The following RPS27A variants were observed in gnomAD, a reference collection of about 807,000 sequenced individuals.
RPS27A encodes the protein ubiquitin-ribosomal protein eS31 fusion protein.
A neutral mutation model predicts 18.9 loss-of-function variants in RPS27A; 1 was observed. The ratio of observed to expected loss-of-function variants is 0.05; its 90% confidence interval spans 0.02 to 0.25. The LOEUF is 0.25. RPS27A is among the 10% of genes least tolerant of loss of function. The pLI, the probability that RPS27A is intolerant of heterozygous loss-of-function variation, is 1.00. For synonymous variants in RPS27A, 77 were observed against 63.7 expected (o/e 1.21, Z -0.99); for missense variants, 123 against 187.4 (o/e 0.66, Z 2.01).
At chr2:55,234,303 AG>A in intron 4 of RPS27A, 99 bp downstream of exon 4, 1 of 856,986 alleles carries the variant, frequency 1.2e-6, no homozygotes, top group Admixed American at 2.0e-5. Flanking sequence ...TCTGTCACCT[AG>A]GGTGGAGTGA....
rs780987060 is a variant in RPS27A, at chr2:55,235,478, T to C, written c.372T>C (p.Asp124=). Residue 124 remains aspartate (D), a synonymous_variant, in exon 6 of 6, where the codon GAT becomes GAC. Transcript: ENST00000272317. The part of the protein sequence containing the change: ...ISRLRRECPS[D]ECGAGVFMAS... The stretch of plus-strand genomic sequence containing the variant: ...GCCTTCGTCGAGAGTGCCCTTCTGA[T>C]GAATGTGGTGCTGGGGTGTTTATGG... 7 of 1,611,910 alleles carry C rather than the reference T, an allele frequency of 4.3e-6. No individual in the cohort carries two copies. The highest frequency in any genetic ancestry group is 4.5e-4 in the Middle Eastern group (2 of 4,432).
intron 3 of RPS27A, 42 bp downstream of exon 3, chr2:55,233,459 A>G (rs766660010): frequency 1.5e-4 from 219 of 1,482,360 alleles, no homozygotes; most frequent in African/African-American, 2.8e-5. Flanking sequence ...ACCTGCGGAG[A>G]CTTCGGCCTA....
intron 2 of RPS27A, 140 bp downstream of exon 2, chr2:55,233,012 T>C (rs373287175): frequency 6.4e-6 from 5 of 777,814 alleles, no homozygotes; most frequent in East Asian, 2.7e-5. Flanking sequence ...TGAGTACCTT[T>C]TGCTGAGCAA....
Position 55,232,887 on chromosome 2 carries a change from G to A in RPS27A, c.48+15G>A, listed in dbSNP as rs758545453. The A allele has an allele frequency of 2.5e-6, 4 of 1,609,772 alleles. No individual in the cohort carries two copies. Among genetic ancestry groups the A allele is most frequent in the African/African-American group, 1.3e-5 (1 of 74,994 alleles). On this transcript the variant is annotated intron_variant, in intron 2 of 5. Transcript: ENST00000272317. ...TCACCCTCGAGGTACGGGCCGGGTG[G>A]TCATGAGGAAGCCAAGGTCCGAATA...
chr2:55,235,634 A>AAAAAG lies in RPS27A; in HGVS notation c.*60_*64dup, dbSNP rs1261600670. On this transcript the variant is annotated 3_prime_UTR_variant, in exon 6 of 6. Coordinates refer to ENST00000272317, the MANE Select transcript of RPS27A (RefSeq NM_002954.6). ...ATTTATTGTTGGGTTTTATTGCAGT[A>AAAAAG]AAAAGAATGGTTTTTAAGCACCAAA... 16 of 1,583,648 alleles carry AAAAAG rather than the reference A, an allele frequency of 1.0e-5. No homozygotes were observed. The highest frequency in any genetic ancestry group is 8.3e-5 in the Admixed American group (5 of 59,968).
intron 3 of RPS27A, 99 bp downstream of exon 3, chr2:55,233,516 C>G (rs1675611358): frequency 2.4e-6 from 2 of 832,638 alleles, no homozygotes; most frequent in Non-Finnish European, 4.1e-6. Flanking sequence ...GGGAAGGGGT[C>G]AGATTGACAA....
chr2:55,234,498 T>TG (rs1675692919), intron 4 of RPS27A: 1 of 550,080 alleles, frequency 1.8e-6, no homozygotes, highest in Admixed American at 3.1e-5. Context: ...CTCCATGTGG[T>TG]GTATTCTGGA....
Position 55,234,083 on chromosome 2 carries a change from G to C in RPS27A, c.104-36G>C, listed in dbSNP as rs1405779349. 4 of 1,354,314 alleles carry C rather than the reference G, an allele frequency of 3.0e-6. No homozygotes were observed. In the African/African-American group the frequency reaches 4.3e-5, roughly 15 times the overall value. The allele number at this position is 1,354,314 out of a possible 1,614,324, so 83.9% of individuals were successfully genotyped here. ...AAGTCTGGAGCACATCACAGGCTTG[G>C]TGTGCTGTGACTTAATTTTTGTTTT... On this transcript the variant is annotated intron_variant, in intron 3 of 5. Coordinates refer to ENST00000272317, the MANE Select transcript of RPS27A (RefSeq NM_002954.6).
intron 4 of RPS27A, 30 bp from the exon 5 acceptor site, chr2:55,234,801 T>C: frequency 6.2e-7 from 1 of 1,611,616 alleles, no homozygotes; most frequent in Non-Finnish European, 8.5e-7. Flanking sequence ...AGTGGAATCA[T>C]GAAAGCTTGC....
chr2:55,233,476 G>A, intron 3 of RPS27A, 59 bp downstream of exon 3: 4 of 1,181,656 alleles, frequency 3.4e-6, no homozygotes, highest in Non-Finnish European at 2.5e-6. Flanking sequence ...CCTACCTGTA[G>A]GTGCTAGACA....
At chr2:55,232,020 C>G (rs1320104944), upstream of RPS27A, 1 of 152,330 alleles carries the variant, frequency 6.6e-6, no homozygotes, top group Non-Finnish European at 1.5e-5. Context: ...TTCAGTTTGC[C>G]TGGAGCAGGC....
In RPS27A at chr2:55,232,796, C is replaced by T. The variant is rs1000149447; in HGVS notation, c.-17-12C>T. The T allele has an allele frequency of 3.7e-6, 6 of 1,605,686 alleles. No homozygotes were observed. In the African/African-American group the frequency reaches 4.0e-5, roughly 11 times the overall value. On this transcript the variant is annotated splice_polypyrimidine_tract_variant and intron_variant, in intron 1 of 5. Transcript: ENST00000272317. ...CTGACCTAACCTGTCTCTTCCTTTT[C>T]CTCAACCTCAGGTGGAGCCGCCACC...
chr2:55,234,614 A>G, intron 4 of RPS27A: 1 of 605,062 alleles, frequency 1.7e-6, no homozygotes, highest in Non-Finnish European at 2.9e-6. Context: ...CCCATTATGA[A>G]TTTTGCAAGT....
intron 3 of RPS27A, 132 bp from the exon 4 acceptor site, chr2:55,233,986 AT>A: frequency 1.4e-6 from 1 of 737,000 alleles, no homozygotes; most frequent in Non-Finnish European, 2.5e-6. Flanking sequence ...ATTTAGAACC[AT>A]GCCTAACCTC....
chr2:55,235,388 T>C, intron 5 of RPS27A, 40 bp from the exon 6 acceptor site: 1 of 1,607,600 alleles, frequency 6.2e-7, no homozygotes, highest in East Asian at 2.2e-5. Flanking sequence ...CTTCAGAATG[T>C]GTTGTAAAAT....
rs550068683 is a variant in RPS27A, at chr2:55,235,420, C to G, written c.322-8C>G. 1 of 1,611,864 alleles carries G rather than the reference C, an allele frequency of 6.2e-7. No homozygotes were observed. The highest frequency in any genetic ancestry group is 8.5e-7 in the Non-Finnish European group (1 of 1,179,780). On this transcript the variant is annotated splice_polypyrimidine_tract_variant and splice_region_variant and intron_variant, in intron 5 of 5. Coordinates refer to ENST00000272317, the MANE Select transcript of RPS27A (RefSeq NM_002954.6). ...AAATTATCTTAACAGCAGGTTTGTG[C>G]TTTTCAGGTGGATGAGAATGGCAAA...
rs529910891 is a variant in RPS27A, at chr2:55,235,402, C to T, written c.322-26C>T. The T allele has an allele frequency of 5.6e-6, 9 of 1,611,284 alleles. No individual in the cohort carries two copies. The South Asian group carries it at 7.7e-5, about 14-fold the overall frequency. ...ACTTCAGAATGTGTTGTAAAATTAT[C>T]TTAACAGCAGGTTTGTGCTTTTCAG... On this transcript the variant is annotated intron_variant, in intron 5 of 5. Transcript: ENST00000272317.
At chr2:55,232,946 T>C (rs1159128465) in intron 2 of RPS27A, 74 bp downstream of exon 2, 5 of 1,193,470 alleles carry the variant, frequency 4.2e-6, no homozygotes, top group Non-Finnish European at 4.9e-6. Context: ...CCGGCGCTGC[T>C]TTCCATGTCT....
At position 55,233,431 on chromosome 2, in the gene RPS27A, T is replaced by G; in HGVS notation, c.103+14T>G. ...AGGATAAGGAAGGCAAGTAGTATTTTGTAGTTAAGAAAACTTAACCTGCGG... is the reference window on the plus strand; with the variant it reads ...AGGATAAGGAAGGCAAGTAGTATTTGGTAGTTAAGAAAACTTAACCTGCGG... On this transcript the variant is annotated intron_variant, in intron 3 of 5. Transcript: ENST00000272317. 1 of 1,607,408 alleles carries G rather than the reference T, an allele frequency of 6.2e-7. No homozygotes were observed. Among genetic ancestry groups the G allele is most frequent in the Non-Finnish European group, 8.5e-7 (1 of 1,174,484 alleles).
Sources: gnomAD v4.1 joint callset for allele counts on GRCh38, gnomAD v4.1.1 for gene constraint, MANE v1.5 for transcripts, NCBI Gene and HGNC (gene_info 2026-07-23, HGNC 2026-07-21) for gene names.